The following B3GNT9 variants were observed in gnomAD, a reference collection of about 807,000 sequenced individuals.
The protein encoded by B3GNT9 is BGnT-9.
For synonymous variants in B3GNT9, 359 were observed against 283.9 expected, an observed-to-expected ratio of 1.26 and a Z score of -2.66; for missense variants, 669 against 599.2, an observed-to-expected ratio of 1.12 and a Z score of -1.22.
rs2030442125 is a variant in B3GNT9, at chr16:67,150,547, AG to A, written c.-63del. The A allele has an allele frequency of 1.6e-6, 2 of 1,229,536 alleles. No homozygotes were observed. Among genetic ancestry groups the A allele is most frequent in the African/African-American group, 3.1e-5 (2 of 63,844 alleles). 76.2% of individuals were successfully genotyped at this position (1,229,536 alleles called of 1,614,324 possible). A position where few individuals can be genotyped will look rare whatever the true frequency, so the allele number is the denominator to read the frequency against. On this transcript the variant is annotated 5_prime_UTR_variant, in exon 2 of 2. Coordinates refer to ENST00000449549, the MANE Select transcript of B3GNT9 (RefSeq NM_033309.3). ...TCGCAGTCGGCAGCAGGGGGCAGCG[AG>A]CCCCGCCCTCCCCAGCTGAGGGGGC...
chr16:67,150,034 C>T lies in B3GNT9; in HGVS notation c.452G>A (p.Arg151His), dbSNP rs1391238746. 1 of 1,510,744 alleles carries T rather than the reference C, an allele frequency of 6.6e-7. No individual in the cohort carries two copies. The highest frequency in any genetic ancestry group is 2.5e-5 in the East Asian group (1 of 39,768). The allele number at this position is 1,510,744 out of a possible 1,614,324, so 93.6% of individuals were successfully genotyped here. Residue 151 changes from arginine (R) to histidine (H), a missense_variant, in exon 2 of 2, where the codon CGC becomes CAC. Arg to His is a conservative substitution (Grantham distance 29). Transcript: ENST00000449549. ...GGGCACGCCCAGCAAGAACACGCGG[C>T]GCACCAGCGCCCCCTGCACGCGACC... ...AEGRVQGALV[R>H]RVFLLGVPRG...
chr16:67,150,066 G>C lies in B3GNT9; in HGVS notation c.420C>G (p.Gly140=), dbSNP rs776897436. The change falls in exon 2 of 2, where the codon GGC becomes GGG. Residue 140 remains glycine, a synonymous_variant. Coordinates refer to ENST00000449549, the MANE Select transcript of B3GNT9 (RefSeq NM_033309.3). ...GCGCCCCCTGCACGCGACCCTCCGC[G>C]CCCCACGTCTGGCGCACGGCTTGGC... ...ERRQAVRQTW[G]AEGRVQGALV... is the part of the protein sequence containing the mutation. 2.0e-6 allele frequency: 3 copies of C among 1,473,764 alleles called. No homozygotes were observed. The South Asian group carries it at 4.1e-5, about 20-fold the overall frequency. The allele number at this position is 1,473,764 out of a possible 1,614,324, so 91.3% of individuals were successfully genotyped here. A position where few individuals can be genotyped will look rare whatever the true frequency, so the allele number is the denominator to read the frequency against.
chr16:67,149,129 C>T lies in B3GNT9; in HGVS notation c.*148G>A. ...TTTCAACTGGTTCCAGCAGGGTGGACCGCCAGGAGCCAAGCTTAACCCCCA... is the reference window on the plus strand; with the variant it reads ...TTTCAACTGGTTCCAGCAGGGTGGATCGCCAGGAGCCAAGCTTAACCCCCA... On this transcript the variant is annotated 3_prime_UTR_variant, in exon 2 of 2. Transcript: ENST00000449549. 7.1e-7 allele frequency: 1 copy of T among 1,404,956 alleles called. No homozygotes were observed. Among genetic ancestry groups the T allele is most frequent in the Non-Finnish European group, 9.3e-7 (1 of 1,076,664 alleles). 87.0% of individuals were successfully genotyped at this position (1,404,956 alleles called of 1,614,324 possible). A position where few individuals can be genotyped will look rare whatever the true frequency, so the allele number is the denominator to read the frequency against.
chr16:67,150,165 G>A lies in B3GNT9; in HGVS notation c.321C>T (p.Arg107=). 6.5e-7 allele frequency: 1 copy of A among 1,546,772 alleles called. No homozygotes were observed. Among genetic ancestry groups the A allele is most frequent in the African/African-American group, 1.4e-5 (1 of 69,968 alleles). ...GGCGGCCACCGGGTGCGCCGTCGCC[G>A]CGGCACTTGTGCGGCTGGTTAATGA... ...PLLINQPHKC[R]GDGAPGGRPD... is the part of the protein sequence containing the mutation. Residue 107 remains arginine (R), a synonymous_variant, in exon 2 of 2, where the codon CGC becomes CGT. Coordinates refer to ENST00000449549, the MANE Select transcript of B3GNT9 (RefSeq NM_033309.3).
chr16:67,149,243 G>A lies in B3GNT9; in HGVS notation c.*34C>T. ...ATCTGGGAAACCGGCTCCATTCTGG[G>A]TCTGAGTTAGGAGCTTGGGGCTGTA... On this transcript the variant is annotated 3_prime_UTR_variant, in exon 2 of 2. Coordinates refer to ENST00000449549, the MANE Select transcript of B3GNT9 (RefSeq NM_033309.3). The A allele has an allele frequency of 6.6e-7, 1 of 1,509,132 alleles. No individual in the cohort carries two copies. Among genetic ancestry groups the A allele is most frequent in the Non-Finnish European group, 8.8e-7 (1 of 1,130,308 alleles). 93.5% of individuals were successfully genotyped at this position (1,509,132 alleles called of 1,614,324 possible).
Position 67,149,536 on chromosome 16 carries a change from A to C in B3GNT9, c.950T>G (p.Val317Gly). ...GCGCTGCAGACACATGCCCAGAAAG[A>C]CGTCGTCGATGGGGAAGAGCTCGAC... Reference protein sequence around the residue: ...AQVELFPIDDVFLGMCLQRLR... With the variant: ...AQVELFPIDDGFLGMCLQRLR... The change falls in exon 2 of 2, where the codon GTC becomes GGC. Residue 317 changes from valine to glycine, a missense_variant. Transcript: ENST00000449549. 5.6e-6 allele frequency: 9 copies of C among 1,609,236 alleles called. No homozygotes were observed. The highest frequency in any genetic ancestry group is 7.6e-6 in the Non-Finnish European group (9 of 1,178,016).
chr16:67,150,144 G>A lies in B3GNT9; in HGVS notation c.342C>T (p.Gly114=), dbSNP rs771608035. The change falls in exon 2 of 2, where the codon GGC becomes GGT. Residue 114 remains glycine, a synonymous_variant. Transcript: ENST00000449549. The part of the protein sequence containing the change: ...HKCRGDGAPG[G]RPDLLIAVKS... ...TGACAGCAATAAGCAGGTCCGGGCG[G>A]CCACCGGGTGCGCCGTCGCCGCGGC... is the stretch of plus-strand genomic sequence containing the variant. 1 of 1,528,354 alleles carries A rather than the reference G, an allele frequency of 6.5e-7. No homozygotes were observed. The highest frequency in any genetic ancestry group is 8.8e-7 in the Non-Finnish European group (1 of 1,140,130). The allele number at this position is 1,528,354 out of a possible 1,614,324, so 94.7% of individuals were successfully genotyped here.
chr16:67,149,107 CA>C lies in B3GNT9; in HGVS notation c.*169del. 7.4e-7 allele frequency: 1 copy of C among 1,360,482 alleles called. No homozygotes were observed. The highest frequency in any genetic ancestry group is 9.6e-7 in the Non-Finnish European group (1 of 1,042,128). 84.3% of individuals were successfully genotyped at this position (1,360,482 alleles called of 1,614,324 possible). The stretch of plus-strand genomic sequence containing the variant: ...CAAAGGGTCACCATTACACGGGTTT[CA>C]ACTGGTTCCAGCAGGGTGGACCGCC... On this transcript the variant is annotated 3_prime_UTR_variant, in exon 2 of 2. Transcript: ENST00000449549.
Position 67,149,440 on chromosome 16 carries a change from T to A in B3GNT9, c.1046A>T (p.His349Leu), listed in dbSNP as rs763016992. 27 of 1,606,510 alleles carry A rather than the reference T, an allele frequency of 1.7e-5. No homozygotes were observed. The highest frequency in any genetic ancestry group is 2.1e-5 in the Non-Finnish European group (25 of 1,176,524). The change falls in exon 2 of 2, where the codon CAT becomes CTT. Residue 349 changes from histidine (H) to leucine (L), a missense_variant. His to Leu is a moderately conservative substitution (Grantham distance 99). Coordinates refer to ENST00000449549, the MANE Select transcript of B3GNT9 (RefSeq NM_033309.3). ...FGIPQPSAAP[H>L]LSTFDPCFYR... ...AAAGCAGGGGTCGAAGGTGCTCAAA[T>A]GCGGCGCGGCTGAAGGCTGGGGGAT...
chr16:67,149,907 C>T lies in B3GNT9; in HGVS notation c.579G>A (p.Leu193=), dbSNP rs766496460. Residue 193 remains leucine (L), a synonymous_variant, in exon 2 of 2, where the codon CTG becomes CTA. Transcript: ENST00000449549. Reference sequence around the variant, plus strand: ...AAAAGGTGTCGTCGAAGGCCCAGAGCAGGATGTCCGCATACGCAAGGCTCT... The same window carrying T: ...AAAAGGTGTCGTCGAAGGCCCAGAGTAGGATGTCCGCATACGCAAGGCTCT... ...RAESLAYADI[L]LWAFDDTFFN... 6.2e-7 allele frequency: 1 copy of T among 1,606,406 alleles called. No individual in the cohort carries two copies. The highest frequency in any genetic ancestry group is 2.3e-5 in the East Asian group (1 of 44,422).
chr16:67,150,771 C>T (rs986309344), intron 1 of B3GNT9, 94 bp downstream of exon 1: 4 of 310,796 alleles, frequency 1.3e-5, no homozygotes, highest in Non-Finnish European at 2.4e-5. Context: ...CTGGGAGCCT[C>T]GGCCCCTCCC....
chr16:67,149,489 G>A lies in B3GNT9; in HGVS notation c.997C>T (p.His333Tyr). ...LQRLRLTPEP[H>Y]PAFRTFGIPQ... ...ATGCCAAAGGTGCGGAAGGCAGGGT[G>A]AGGCTCGGGCGTGAGCCGCAGGCGC... Residue 333 changes from histidine (H) to tyrosine (Y), a missense_variant, in exon 2 of 2, where the codon CAC becomes TAC. Coordinates refer to ENST00000449549, the MANE Select transcript of B3GNT9 (RefSeq NM_033309.3). 1 of 1,608,596 alleles carries A rather than the reference G, an allele frequency of 6.2e-7. No individual in the cohort carries two copies. The highest frequency in any genetic ancestry group is 8.5e-7 in the Non-Finnish European group (1 of 1,177,802).
chr16:67,150,509 T>G lies in B3GNT9; in HGVS notation c.-24A>C. On this transcript the variant is annotated 5_prime_UTR_variant, in exon 2 of 2. Transcript: ENST00000449549. ...ATCTCCGCGCGGCCTGCGCCCTCCC[T>G]CCCCTGTAAGGGTCGCAGTCGGCAG... The G allele has an allele frequency of 7.8e-7, 1 of 1,274,218 alleles. No individual in the cohort carries two copies. Among genetic ancestry groups the G allele is most frequent in the South Asian group, 2.9e-5 (1 of 34,886 alleles). 78.9% of individuals were successfully genotyped at this position (1,274,218 alleles called of 1,614,324 possible).
chr16:67,149,931 C>G lies in B3GNT9; in HGVS notation c.555G>C (p.Glu185Asp), dbSNP rs1277007395. 1.3e-6 allele frequency: 2 copies of G among 1,593,294 alleles called. No individual in the cohort carries two copies. Among genetic ancestry groups the G allele is most frequent in the Middle Eastern group, 1.6e-4 (1 of 6,062 alleles). The stretch of plus-strand genomic sequence containing the variant: ...GCAGGATGTCCGCATACGCAAGGCT[C>G]TCGGCCCGCAGCAGGGCGCGCCAGT... ...RTHWRALLRA[E>D]SLAYADILLW... Residue 185 changes from glutamate (E) to aspartate (D), a missense_variant, in exon 2 of 2, where the codon GAG becomes GAC. Transcript: ENST00000449549.
rs1289781841 is a variant in B3GNT9 at position 67,148,514 on chromosome 16, T to C, written c.*763A>G. 6.6e-6 allele frequency: 1 copy of C among 152,382 alleles called. No individual in the cohort carries two copies. The highest frequency in any genetic ancestry group is 1.9e-4 in the East Asian group (1 of 5,204). The allele number at this position is 152,382 out of a possible 1,614,324, so 9.4% of individuals were successfully genotyped here. On this transcript the variant is annotated 3_prime_UTR_variant, in exon 2 of 2. Coordinates refer to ENST00000449549, the MANE Select transcript of B3GNT9 (RefSeq NM_033309.3). ...GTGCCCTCAGCAATGGCCTGCCATG[T>C]GCTGTTGCTGGGATGTTTGTATTAA...
rs531767151 is a variant in B3GNT9 at position 67,148,288 on chromosome 16, A to G, written c.*989T>C. 1.3e-5 allele frequency: 2 copies of G among 152,644 alleles called. No individual in the cohort carries two copies. The highest frequency in any genetic ancestry group is 2.9e-5 in the Non-Finnish European group (2 of 68,030). The allele number at this position is 152,644 out of a possible 1,614,324, so 9.5% of individuals were successfully genotyped here. A position where few individuals can be genotyped will look rare whatever the true frequency, so the allele number is the denominator to read the frequency against. On this transcript the variant is annotated 3_prime_UTR_variant, in exon 2 of 2. Coordinates refer to ENST00000449549, the MANE Select transcript of B3GNT9 (RefSeq NM_033309.3). Reference sequence around the variant, plus strand: ...CAGGGGACCTGTCTCAGGCTCCTATATGGTTCCTGGGCCTTATAGCCAGGT... The same window carrying G: ...CAGGGGACCTGTCTCAGGCTCCTATGTGGTTCCTGGGCCTTATAGCCAGGT...
Position 67,150,533 on chromosome 16 carries a change from A to C in B3GNT9, c.-48T>G, listed in dbSNP as rs2030441221. The C allele has an allele frequency of 8.0e-7, 1 of 1,249,102 alleles. No homozygotes were observed. The highest frequency in any genetic ancestry group is 3.2e-5 in the East Asian group (1 of 31,638). The allele number at this position is 1,249,102 out of a possible 1,614,324, so 77.4% of individuals were successfully genotyped here. A position where few individuals can be genotyped will look rare whatever the true frequency, so the allele number is the denominator to read the frequency against. ...CTCCCCTGTAAGGGTCGCAGTCGGC[A>C]GCAGGGGGCAGCGAGCCCCGCCCTC... On this transcript the variant is annotated 5_prime_UTR_variant, in exon 2 of 2. Transcript: ENST00000449549.
At position 67,150,580 on chromosome 16, in the gene B3GNT9, C is replaced by G. The variant is rs2030443725; in HGVS notation, c.-95G>C. The G allele has an allele frequency of 9.2e-6, 10 of 1,088,850 alleles. No individual in the cohort carries two copies. Among genetic ancestry groups the G allele is most frequent in the African/African-American group, 3.3e-5 (2 of 61,430 alleles). 67.4% of individuals were successfully genotyped at this position (1,088,850 alleles called of 1,614,324 possible). ...CCTCCCCAGCTGAGGGGGCGGGAGGCCACGCCCCGGGGGGGGCTCCAGCGA... is the reference window on the plus strand; with the variant it reads ...CCTCCCCAGCTGAGGGGGCGGGAGGGCACGCCCCGGGGGGGGCTCCAGCGA... On this transcript the variant is annotated 5_prime_UTR_variant, in exon 2 of 2. Transcript: ENST00000449549.
rs1326656503 is a variant in B3GNT9, at chr16:67,149,272, G to T, written c.*5C>A. ...GAGTTAGGAGCTTGGGGCTGTAGTG[G>T]GGAGCTAGGAGTCCCATTGGAAGGG... On this transcript the variant is annotated 3_prime_UTR_variant, in exon 2 of 2. Coordinates refer to ENST00000449549, the MANE Select transcript of B3GNT9 (RefSeq NM_033309.3). 6.5e-7 allele frequency: 1 copy of T among 1,530,916 alleles called. No individual in the cohort carries two copies. The highest frequency in any genetic ancestry group is 1.4e-5 in the African/African-American group (1 of 72,462). The allele number at this position is 1,530,916 out of a possible 1,614,324, so 94.8% of individuals were successfully genotyped here. A position where few individuals can be genotyped will look rare whatever the true frequency, so the allele number is the denominator to read the frequency against.
Sources: allele counts gnomAD v4.1 joint callset, GRCh38; gene constraint gnomAD v4.1.1; transcripts MANE v1.5; gene names NCBI Gene and HGNC (gene_info 2026-07-23, HGNC 2026-07-21).